Variants in KIAA1217 observed in about 807,000 individuals in gnomAD.
KIAA1217 encodes sickle tail protein homolog.
KIAA1217 carries 88 observed loss-of-function variants against 163.9 expected under a neutral mutation model. The ratio of observed to expected loss-of-function variants is 0.54; its 90% CI spans 0.45 to 0.64. KIAA1217 has a LOEUF of 0.64. Among genes scored for constraint, KIAA1217 ranks in the 30% least tolerant of loss-of-function variants. The pLI, the probability that KIAA1217 is intolerant of heterozygous loss-of-function variation, is 0.00. For synonymous variants in KIAA1217, 903 were observed against 923.1 expected (o/e 0.98, Z 0.39); for missense variants, 2,372 against 2,475.0 (o/e 0.96, Z 0.88).
chr10:24,494,595 A>G lies in KIAA1217; in HGVS notation c.1775A>G (p.Asp592Gly). Residue 592 changes from aspartate to glycine, a missense_variant, in exon 7 of 21, where the codon GAT becomes GGT. Asp to Gly is a moderately conservative substitution (Grantham distance 94, BLOSUM62 -1). Transcript: ENST00000376454. ...GGGCCCATTACAAGTTATAGCAAAG[A>G]TGCGTCTAGGTAAAAAAGAAGAAAG... ...FKGPITSYSK[D>G]ASSEKMMKTT... 6.2e-7 allele frequency: 1 copy of G among 1,606,934 alleles called. No individual in the cohort carries two copies.
At chr10:24,343,883 G>A (rs983016633) in intron 2 of KIAA1217, among the ~76,000 whole-genome samples, 3 of 152,214 alleles carry the variant, frequency 2.0e-5, no homozygotes, top group African/African-American at 2.4e-5. Flanking sequence ...CACTTTGTGA[G>A]ATCCAAATTT....
chr10:24,019,076 G>A (rs2131508864), intron 2 of KIAA1217, among the ~76,000 whole-genome samples: 1 of 152,052 alleles, frequency 6.6e-6, no homozygotes, highest in African/African-American at 2.4e-5. Flanking sequence ...TCACTTAAAA[G>A]GTACAAAGTT....
At chr10:24,167,204 C>T (rs1221704306) in intron 2 of KIAA1217, among the ~76,000 whole-genome samples, 1 of 151,776 alleles carries the variant, frequency 6.6e-6, no homozygotes, top group Non-Finnish European at 1.5e-5. Flanking sequence ...TTTCAAATTC[C>T]TTTCATCTTT....
chr10:24,064,491 C>T (rs1304835595), intron 2 of KIAA1217, among the ~76,000 whole-genome samples: 2 of 152,116 alleles, frequency 1.3e-5, no homozygotes, highest in South Asian at 4.1e-4. Context: ...GGAATGAAGC[C>T]CACTTGATCA....
chr10:23,745,060 C>CATGGGCCAGTCATAT (rs1266812004), intron 1 of KIAA1217, among the ~76,000 whole-genome samples: 1 of 152,180 alleles, frequency 6.6e-6, no homozygotes, highest in Non-Finnish European at 1.5e-5. Flanking sequence ...ATCTGGGGAC[C>CATGGGCCAGTCATAT]ATGGGCCAGT....
At chr10:23,862,136 A>G (rs75864510) in intron 1 of KIAA1217, among the ~76,000 whole-genome samples, 1,930 of 152,232 alleles carry the variant, frequency 0.013, 57 homozygotes, top group African/African-American at 0.044. Context: ...AGGTGAGTTC[A>G]TAGCAGTCTA....
chr10:24,464,721 G>A (rs932251620), intron 5 of KIAA1217, among the ~76,000 whole-genome samples: 1 of 152,154 alleles, frequency 6.6e-6, no homozygotes, highest in Non-Finnish European at 1.5e-5. Context: ...CTGGGCTCAG[G>A]GGATCCTCCT....
rs572279344 is a variant in KIAA1217, at chr10:24,231,005, T to C, written c.354+11096T>C. Among the ~76,000 whole-genome samples the C allele has an allele frequency of 7.2e-5, 11 of 152,310 alleles. No individual in the cohort carries two copies. The South Asian group carries it at 2.1e-3, about 29-fold the overall frequency. The stretch of plus-strand genomic sequence containing the variant: ...TGATGGGGGATGAAACAGAAAGATG[T>C]TCTGAAATGCTAAGGAAAAGAAAGA... On this transcript the variant is annotated intron_variant, in intron 2 of 20. Transcript: ENST00000376454.
chr10:24,333,033 A>G (rs934960175), intron 2 of KIAA1217, among the ~76,000 whole-genome samples: 35 of 151,838 alleles, frequency 2.3e-4, no homozygotes, highest in African/African-American at 7.3e-4. Context: ...TGTGTGTGTT[A>G]TTTTTTGAGA....
intron 1 of KIAA1217, among the ~76,000 whole-genome samples, chr10:24,211,532 GTTGTA>G (rs371671093): frequency 0.41 from 31,499 of 77,338 alleles, 4,311 homozygotes; most frequent in Non-Finnish European, 0.46. Flanking sequence ...ACCATGCATG[GTTGTA>G]TTGTATTGTA....
chr10:24,501,874 G>A (rs55917433), intron 9 of KIAA1217, among the ~76,000 whole-genome samples: 43,725 of 149,580 alleles, frequency 0.29, 6,575 homozygotes, highest in Middle Eastern at 0.4. Flanking sequence ...TCAGCCTCCC[G>A]AGTAGCTGGA....
chr10:23,864,967 A>G (rs142332982), intron 1 of KIAA1217, among the ~76,000 whole-genome samples: 3,300 of 152,236 alleles, frequency 0.022, 49 homozygotes, highest in Non-Finnish European at 0.033. Flanking sequence ...ATTATGAAGG[A>G]TAATCTGCTT....
chr10:23,766,339 T>C (rs1000141081), intron 1 of KIAA1217, among the ~76,000 whole-genome samples: 2 of 152,240 alleles, frequency 1.3e-5, no homozygotes, highest in Non-Finnish European at 2.9e-5. Context: ...AAACATACAG[T>C]TAATAGTGTC....
chr10:24,416,331 G>T (rs965558698), intron 3 of KIAA1217, among the ~76,000 whole-genome samples: 1 of 152,136 alleles, frequency 6.6e-6, no homozygotes, highest in Non-Finnish European at 1.5e-5. Flanking sequence ...GGGTACTCAG[G>T]TATCCACCTC....
At chr10:24,510,855 T>A (rs1315489329) in intron 9 of KIAA1217, among the ~76,000 whole-genome samples, 2 of 152,112 alleles carry the variant, frequency 1.3e-5, no homozygotes, top group African/African-American at 4.8e-5. Flanking sequence ...TCACAGCAGG[T>A]TTCAACCATT....
intron 2 of KIAA1217, among the ~76,000 whole-genome samples, chr10:24,260,589 A>G (rs2075625518): frequency 6.8e-6 from 1 of 148,016 alleles, no homozygotes; most frequent in Admixed American, 6.8e-5. Flanking sequence ...ATCTCTACAA[A>G]AAAAAAAAAA....
At chr10:24,533,343 C>G (rs1474681281) in intron 16 of KIAA1217, 106 bp downstream of exon 16, 7 of 1,118,852 alleles carry the variant, frequency 6.3e-6, no homozygotes, top group African/African-American at 1.6e-5. Flanking sequence ...AGCGCATGGA[C>G]CGGGACCATA....
At chr10:23,926,608 C>A (rs1843030627) in intron 1 of KIAA1217, among the ~76,000 whole-genome samples, 2 of 151,950 alleles carry the variant, frequency 1.3e-5, no homozygotes, top group Admixed American at 6.6e-5. Context: ...GCCTGTAATC[C>A]CAGCTACTCA....
At chr10:24,171,782 CA>C (rs1456840164) in intron 2 of KIAA1217, among the ~76,000 whole-genome samples, 2 of 151,724 alleles carry the variant, frequency 1.3e-5, no homozygotes, top group African/African-American at 4.8e-5. Flanking sequence ...AGCAAAACTC[CA>C]TCTCAAAAAA....
Sources: gnomAD v4.1 joint callset for allele counts (sites outside exome capture counted in the v4.1 genomes callset) on GRCh38, gnomAD v4.1.1 for gene constraint, MANE v1.5 for transcripts, NCBI Gene and HGNC (gene_info 2026-07-23, HGNC 2026-07-21) for gene names.